SMYD3: variants seen among roughly 807,000 people sequenced by gnomAD.
SMYD3 encodes SET and MYND domain containing 3.
A neutral mutation model predicts 57.7 loss-of-function variants in SMYD3; 36 were observed. That is an observed-to-expected ratio of 0.62 (90% CI 0.48 to 0.82). SMYD3 has a LOEUF of 0.82. SMYD3 is among the 40% of genes least tolerant of loss of function. SMYD3 has a pLI of 0.00. For missense variants in SMYD3, 515 were observed against 538.8 expected, an observed-to-expected ratio of 0.96 and a Z score of 0.44; for synonymous variants, 211 against 195.0, an observed-to-expected ratio of 1.08 and a Z score of -0.68.
intron 1 of SMYD3, among the ~76,000 whole-genome samples, chr1:246,356,204 G>A (rs964492184): frequency 6.6e-6 from 1 of 152,138 alleles, no homozygotes; most frequent in Admixed American, 6.6e-5. Flanking sequence ...AACAATCACT[G>A]CAGTTTGGCT....
rs370375680 is a variant in SMYD3, at chr1:246,022,709, T to C, written c.532-92772A>G. Among the ~76,000 whole-genome samples the C allele has an allele frequency of 1.1e-3, 172 of 152,360 alleles. 5 individuals carry two copies. In the South Asian group the frequency reaches 0.03, roughly 27 times the overall value. ...TAGATGGGTATAACTAATATAACTC[T>C]GCATGTGCAAATATTGTGTGGATAC... On this transcript the variant is annotated intron_variant, in intron 5 of 11. Transcript: ENST00000490107.
intron 1 of SMYD3, among the ~76,000 whole-genome samples, chr1:246,479,334 C>T (rs190713722): frequency 6.6e-6 from 1 of 152,278 alleles, no homozygotes; most frequent in East Asian, 1.9e-4. Context: ...CTCTTTAAGC[C>T]TCAGTCACTT....
chr1:246,124,053 T>C (rs1024579437), intron 5 of SMYD3, among the ~76,000 whole-genome samples: 13 of 152,242 alleles, frequency 8.5e-5, no homozygotes, highest in Admixed American at 5.2e-4. Context: ...TGTCTTCGTA[T>C]TTACCTCACT....
intron 5 of SMYD3, among the ~76,000 whole-genome samples, chr1:246,307,018 T>A (rs1312761946): frequency 6.6e-6 from 1 of 152,088 alleles, no homozygotes; most frequent in Admixed American, 6.5e-5. Context: ...CAGCTTTTCA[T>A]TCAGAGCAAT....
chr1:246,163,342 C>T (rs1226801668), intron 5 of SMYD3, among the ~76,000 whole-genome samples: 1 of 152,206 alleles, frequency 6.6e-6, no homozygotes, highest in African/African-American at 2.4e-5. Flanking sequence ...AATATGTTCA[C>T]GTCTTTATAA....
intron 5 of SMYD3, among the ~76,000 whole-genome samples, chr1:246,068,301 A>G (rs1461742674): frequency 6.7e-6 from 1 of 149,868 alleles, no homozygotes; most frequent in Non-Finnish European, 1.5e-5. Context: ...AAAAAAAAAA[A>G]GAACACCCAC....
chr1:246,228,421 C>T (rs2063362741), intron 5 of SMYD3, among the ~76,000 whole-genome samples: 1 of 152,128 alleles, frequency 6.6e-6, no homozygotes, highest in Non-Finnish European at 1.5e-5. Flanking sequence ...GAGTAATGGA[C>T]TGTGTGGTAC....
chr1:245,770,660 A>G lies in SMYD3; in HGVS notation c.1077-6511T>C, dbSNP rs142506716. ...GACAAGAACTCTCTGAAAACCAAGA[A>G]GAACAATATAGACAGTGACATAAGA... On this transcript the variant is annotated intron_variant, in intron 10 of 11. Transcript: ENST00000490107. Among the ~76,000 whole-genome samples, 630 of 152,328 alleles carry G rather than the reference A, an allele frequency of 4.1e-3. 3 individuals are homozygous for G. Among genetic ancestry groups the G allele is most frequent in the African/African-American group, 0.015 (605 of 41,558 alleles).
intron 5 of SMYD3, among the ~76,000 whole-genome samples, chr1:246,195,204 G>A (rs1441463370): frequency 6.6e-6 from 1 of 152,182 alleles, no homozygotes; most frequent in Non-Finnish European, 1.5e-5. Flanking sequence ...TGCTACTGAG[G>A]TTTTGCTTGC....
intron 1 of SMYD3, among the ~76,000 whole-genome samples, chr1:246,447,047 A>G (rs1352599847): frequency 1.3e-5 from 2 of 148,336 alleles, no homozygotes; most frequent in African/African-American, 5.0e-5. Context: ...AAAAAAAAAA[A>G]TGGCATCCTA....
intron 8 of SMYD3, among the ~76,000 whole-genome samples, chr1:245,872,431 T>C (rs61830208): frequency 0.69 from 88,985 of 128,342 alleles, 29,301 homozygotes; most frequent in Non-Finnish European, 0.79. Flanking sequence ...CCAGAGTTCC[T>C]GCCGCCTTCT....
At chr1:245,776,047 G>A (rs2046576218) in intron 10 of SMYD3, among the ~76,000 whole-genome samples, 1 of 152,158 alleles carries the variant, frequency 6.6e-6, no homozygotes, top group South Asian at 2.1e-4. Flanking sequence ...GTATCAGTAG[G>A]AGAAACAGTA....
chr1:246,253,016 T>C (rs1050906630), intron 5 of SMYD3, among the ~76,000 whole-genome samples: 2 of 152,312 alleles, frequency 1.3e-5, no homozygotes, highest in East Asian at 3.9e-4. Context: ...AAATGATATG[T>C]TATTTGACAT....
At chr1:246,352,774 T>A (rs1374972926) in intron 2 of SMYD3, among the ~76,000 whole-genome samples, 1 of 152,190 alleles carries the variant, frequency 6.6e-6, no homozygotes, top group Non-Finnish European at 1.5e-5. Context: ...ATGGCTTTTC[T>A]CTTCCCTGAG....
chr1:246,196,033 T>C (rs1396384565), intron 5 of SMYD3, among the ~76,000 whole-genome samples: 1 of 152,188 alleles, frequency 6.6e-6, no homozygotes, highest in Non-Finnish European at 1.5e-5. Flanking sequence ...TGTCACTTCT[T>C]TATTTAAAAA....
In SMYD3 at chr1:246,216,629, T is replaced by C. The variant is rs888095402; in HGVS notation, c.531+110572A>G. Among the ~76,000 whole-genome samples, 6 of 152,120 alleles carry C rather than the reference T, an allele frequency of 3.9e-5. 1 individual carries two copies. The highest frequency in any genetic ancestry group is 1.4e-4 in the African/African-American group (6 of 41,384). ...TCTAGGTGCTAAATTTCTGGTTGTA[T>C]TCCTTCACCTTTTCTGCATTATTGA... On this transcript the variant is annotated intron_variant, in intron 5 of 11. Coordinates refer to ENST00000490107, the MANE Select transcript of SMYD3 (RefSeq NM_001167740.2).
In SMYD3 at chr1:245,983,004, T is replaced by C. The variant is rs2058630978; in HGVS notation, c.532-53067A>G. 1.3e-5 allele frequency among the ~76,000 whole-genome samples: 2 copies of C among 152,196 alleles called. 1 individual carries two copies. The highest frequency in any genetic ancestry group is 2.9e-5 in the Non-Finnish European group (2 of 68,036). On this transcript the variant is annotated intron_variant, in intron 5 of 11. Transcript: ENST00000490107. ...AAGGTACTGAGTGGAAAAAAGGTTC[T>C]TAGATCTAAAAAGTCCAATCTACCC...
chr1:245,996,201 T>G (rs2058928933), intron 5 of SMYD3, among the ~76,000 whole-genome samples: 1 of 152,196 alleles, frequency 6.6e-6, no homozygotes, highest in South Asian at 2.1e-4. Flanking sequence ...AAAAGAGCAT[T>G]GGCAGGGCAT....
chr1:246,107,935 A>G (rs1316336904), intron 5 of SMYD3, among the ~76,000 whole-genome samples: 3 of 152,258 alleles, frequency 2.0e-5, no homozygotes. Context: ...ACACATGTAT[A>G]TATCTACTTC....
Sources: allele counts gnomAD v4.1 joint callset (sites outside exome capture counted in the v4.1 genomes callset), GRCh38; gene constraint gnomAD v4.1.1; transcripts MANE v1.5; gene names NCBI Gene and HGNC (gene_info 2026-07-23, HGNC 2026-07-21).